The following FIGN variants were observed in gnomAD, a reference collection of about 807,000 sequenced individuals.
FIGN encodes the protein fidgetin.
Under a neutral mutation model 51.3 loss-of-function variants are expected in FIGN, and 11 were observed. The observed-to-expected ratio is 0.21, with a 90% CI of 0.13 to 0.35. FIGN has a LOEUF of 0.35. FIGN is among the 10% of genes least tolerant of loss of function. The probability of loss-of-function intolerance (pLI) is 1.00; values close to 1 mark genes in which losing one functional copy is unlikely to be tolerated. For synonymous variants in FIGN, 407 were observed against 363.2 expected, an observed-to-expected ratio of 1.12 and a Z score of -1.37; for missense variants, 857 against 943.6, an observed-to-expected ratio of 0.91 and a Z score of 1.20.
At chr2:163,705,841 T>A (rs1187630510) in intron 2 of FIGN, among the ~76,000 whole-genome samples, 1 of 152,098 alleles carries the variant, frequency 6.6e-6, no homozygotes, top group Non-Finnish European at 1.5e-5. Context: ...TAAAAACCAG[T>A]TAAGGAATGC....
At chr2:163,733,724 T>C (rs1055372546) in intron 2 of FIGN, among the ~76,000 whole-genome samples, 6 of 152,192 alleles carry the variant, frequency 3.9e-5, no homozygotes, top group Admixed American at 2.0e-4. Flanking sequence ...TTTAGCTCAA[T>C]AGTCACCAGA....
chr2:163,681,327 T>G (rs1440563968), intron 2 of FIGN, among the ~76,000 whole-genome samples: 1 of 152,170 alleles, frequency 6.6e-6, no homozygotes, highest in Admixed American at 6.5e-5. Flanking sequence ...ATGTAGCCCC[T>G]TTACAGAGGA....
intron 2 of FIGN, among the ~76,000 whole-genome samples, chr2:163,691,638 T>A (rs959602993): frequency 2.0e-5 from 3 of 152,164 alleles, no homozygotes; most frequent in African/African-American, 7.2e-5. Context: ...CATGAGTGGT[T>A]ATGCACTTCA....
At chr2:163,613,746 G>C (rs1368550781) in intron 2 of FIGN, among the ~76,000 whole-genome samples, 1 of 152,180 alleles carries the variant, frequency 6.6e-6, no homozygotes, top group East Asian at 1.9e-4. Context: ...AAGGATTGCA[G>C]TAATTACACA....
At chr2:163,645,291 G>T (rs865837859) in intron 2 of FIGN, among the ~76,000 whole-genome samples, 1 of 152,020 alleles carries the variant, frequency 6.6e-6, no homozygotes, top group Non-Finnish European at 1.5e-5. Flanking sequence ...ATGTAATAAT[G>T]GTAGGAAACA....
chr2:163,607,281 G>T lies in FIGN; in HGVS notation c.*2271C>A, dbSNP rs890351419. 1.3e-5 allele frequency: 2 copies of T among 152,192 alleles called. No individual in the cohort carries two copies. Among genetic ancestry groups the T allele is most frequent in the Non-Finnish European group, 2.9e-5 (2 of 68,032 alleles). The allele number at this position is 152,192 out of a possible 1,614,324, so 9.4% of individuals were successfully genotyped here. A position where few individuals can be genotyped will look rare whatever the true frequency, so the allele number is the denominator to read the frequency against. On this transcript the variant is annotated 3_prime_UTR_variant, in exon 3 of 3. Transcript: ENST00000333129. Reference sequence around the variant, plus strand: ...CACAGGGTAGACCCAGAACACGATTGTAGCATTTATTCACTTGCGAAAAGC... The same window carrying T: ...CACAGGGTAGACCCAGAACACGATTTTAGCATTTATTCACTTGCGAAAAGC...
intron 2 of FIGN, among the ~76,000 whole-genome samples, chr2:163,614,274 T>A (rs531745897): frequency 6.6e-6 from 1 of 152,300 alleles, no homozygotes; most frequent in African/African-American, 2.4e-5. Context: ...GCTGCAATTT[T>A]AATGAAGCAG....
chr2:163,717,878 T>A (rs1273625336), intron 2 of FIGN, among the ~76,000 whole-genome samples: 2 of 152,182 alleles, frequency 1.3e-5, no homozygotes, highest in Admixed American at 1.3e-4. Flanking sequence ...CTGTAACCTT[T>A]CTTGAAATGT....
At chr2:163,679,350 G>A (rs1047215649) in intron 2 of FIGN, among the ~76,000 whole-genome samples, 3 of 152,084 alleles carry the variant, frequency 2.0e-5, no homozygotes, top group African/African-American at 7.2e-5. Flanking sequence ...CAAAAAATTA[G>A]CCAGGCATGG....
In FIGN at chr2:163,605,608, C is replaced by A. The variant is rs977705660; in HGVS notation, c.*3944G>T. The A allele has an allele frequency of 1.3e-5, 2 of 151,952 alleles. No individual in the cohort carries two copies. Among genetic ancestry groups the A allele is most frequent in the African/African-American group, 4.8e-5 (2 of 41,386 alleles). The allele number at this position is 151,952 out of a possible 1,614,324, so 9.4% of individuals were successfully genotyped here. On this transcript the variant is annotated 3_prime_UTR_variant, in exon 3 of 3. Transcript: ENST00000333129. ...GGTGATGAAAGAACACACACACATA[C>A]ACACATACAAACACACACACTAATT... is the stretch of plus-strand genomic sequence containing the variant.
chr2:163,682,769 T>G (rs1006168347), intron 2 of FIGN, among the ~76,000 whole-genome samples: 1 of 152,186 alleles, frequency 6.6e-6, no homozygotes, highest in Non-Finnish European at 1.5e-5. Flanking sequence ...GCTGAACACC[T>G]GTACGTATAG....
At chr2:163,686,016 G>A (rs764064298) in intron 2 of FIGN, among the ~76,000 whole-genome samples, 9 of 152,184 alleles carry the variant, frequency 5.9e-5, no homozygotes, top group Non-Finnish European at 7.3e-5. Flanking sequence ...CATCAAATTT[G>A]GACTTCGTCA....
At chr2:163,641,819 T>C (rs2105316770) in intron 2 of FIGN, among the ~76,000 whole-genome samples, 1 of 152,344 alleles carries the variant, frequency 6.6e-6, no homozygotes, top group Non-Finnish European at 1.5e-5. Context: ...TAATATGACC[T>C]GTGTTGGTAA....
chr2:163,611,904 T>C (rs2231898), intron 2 of FIGN, 98 bp from the exon 3 acceptor site: 471,736 of 892,566 alleles, frequency 0.53, 121,802 homozygotes, highest in Non-Finnish European at 0.59. Flanking sequence ...TTATTTTCCA[T>C]TAATGATATG....
chr2:163,646,242 T>C (rs767146834), intron 2 of FIGN, among the ~76,000 whole-genome samples: 1 of 152,152 alleles, frequency 6.6e-6, no homozygotes, highest in Non-Finnish European at 1.5e-5. Context: ...CTTTGTTCTA[T>C]TGCATCCCTT....
At chr2:163,716,340 T>C (rs923669965) in intron 2 of FIGN, among the ~76,000 whole-genome samples, 13 of 152,172 alleles carry the variant, frequency 8.5e-5, no homozygotes, top group African/African-American at 3.1e-4. Flanking sequence ...TGCTTACATA[T>C]GCACATTGGC....
intron 2 of FIGN, among the ~76,000 whole-genome samples, chr2:163,668,206 A>C (rs1350278587): frequency 6.6e-6 from 1 of 152,060 alleles, no homozygotes; most frequent in Admixed American, 6.5e-5. Flanking sequence ...GACCCAAACA[A>C]ATAGTATTTA....
intron 2 of FIGN, among the ~76,000 whole-genome samples, chr2:163,730,383 G>A (rs1243425564): frequency 1.3e-5 from 2 of 152,086 alleles, no homozygotes; most frequent in African/African-American, 2.4e-5. Flanking sequence ...AGAAGAAAAT[G>A]ACAAAATCCA....
intron 2 of FIGN, among the ~76,000 whole-genome samples, chr2:163,643,667 AT>A (rs1349306520): frequency 6.7e-6 from 1 of 149,494 alleles, no homozygotes; most frequent in Non-Finnish European, 1.5e-5. Context: ...AAAAAAAAAA[AT>A]GATTGCCGGG....
Sources: allele counts gnomAD v4.1 joint callset (sites outside exome capture counted in the v4.1 genomes callset), GRCh38; gene constraint gnomAD v4.1.1; transcripts MANE v1.5; gene names NCBI Gene and HGNC (gene_info 2026-07-23, HGNC 2026-07-21).